The following NLK variants were observed in gnomAD, a reference collection of about 807,000 sequenced individuals.
NLK encodes the protein nemo like kinase, also known as serine/threonine-protein kinase NLK.
Under a neutral mutation model 59.0 loss-of-function variants are expected in NLK, and 11 were observed. The ratio of observed to expected loss-of-function variants is 0.19; its 90% CI spans 0.12 to 0.31. NLK has a LOEUF of 0.31. NLK is among the 10% of genes least tolerant of loss of function. The pLI is 1.00. For synonymous variants in NLK, 235 were observed against 235.9 expected (o/e 1.00, Z 0.03); for missense variants, 410 against 661.1 (o/e 0.62, Z 4.16).
intron 1 of NLK, chr17:28,048,035 A>G: frequency 1.5e-5 from 6 of 398,296 alleles, no homozygotes; most frequent in Non-Finnish European, 2.7e-5. Context: ...AGCCTGCACC[A>G]TAAAAAGGAA....
chr17:28,154,706 A>G lies in NLK; in HGVS notation c.645-6454A>G, dbSNP rs116656401. Among the ~76,000 whole-genome samples, 878 of 152,282 alleles carry G rather than the reference A, an allele frequency of 5.8e-3. 6 individuals carry two copies. The highest frequency in any genetic ancestry group is 0.02 in the African/African-American group (825 of 41,546). On this transcript the variant is annotated intron_variant, in intron 3 of 10. Coordinates refer to ENST00000407008, the MANE Select transcript of NLK (RefSeq NM_016231.5). ...TATCCTCACATACACATAAAATTCT[A>G]TATATAGGATGTTTATCTCAAGGTT...
intron 3 of NLK, among the ~76,000 whole-genome samples, chr17:28,138,936 A>G (rs1419234596): frequency 6.6e-6 from 1 of 152,186 alleles, no homozygotes; most frequent in East Asian, 1.9e-4. Context: ...AATAATGACA[A>G]TAGTATAGGT....
chr17:28,060,696 G>A (rs78453496), intron 1 of NLK, among the ~76,000 whole-genome samples: 2,583 of 152,264 alleles, frequency 0.017, 84 homozygotes, highest in African/African-American at 0.059. Flanking sequence ...TTTCACTTTC[G>A]TTAATAAACA....
At chr17:28,187,110 TC>T (rs1225868177) in intron 8 of NLK, among the ~76,000 whole-genome samples, 1 of 152,240 alleles carries the variant, frequency 6.6e-6, no homozygotes, top group Non-Finnish European at 1.5e-5. Flanking sequence ...AGAGGTAATT[TC>T]TGTCTGACCA....
At chr17:28,161,299 C>A in intron 4 of NLK, 33 bp downstream of exon 4, 1 of 1,144,354 alleles carries the variant, frequency 8.7e-7, no homozygotes, top group Non-Finnish European at 1.3e-6. Flanking sequence ...AAGGTGCTGT[C>A]ACACTGTAAA....
chr17:28,071,537 G>A (rs1910008120), intron 1 of NLK, among the ~76,000 whole-genome samples: 1 of 151,656 alleles, frequency 6.6e-6, no homozygotes, highest in Non-Finnish European at 1.5e-5. Flanking sequence ...CATTTTAGAG[G>A]CCTTGCACAT....
intron 6 of NLK, among the ~76,000 whole-genome samples, chr17:28,170,575 T>A (rs1049767618): frequency 6.6e-6 from 1 of 152,244 alleles, no homozygotes; most frequent in African/African-American, 2.4e-5. Flanking sequence ...TGTTGGGTAC[T>A]TTTGACAATA....
At chr17:28,053,037 A>G (rs1425557905) in intron 1 of NLK, among the ~76,000 whole-genome samples, 2 of 151,856 alleles carry the variant, frequency 1.3e-5, no homozygotes, top group African/African-American at 4.8e-5. Context: ...TGACCTCCCA[A>G]AGTGCTGGGA....
rs35679508 is a variant in NLK, at chr17:28,171,586, C to T, written c.1048-931C>T. 8.7e-3 allele frequency among the ~76,000 whole-genome samples: 1,320 copies of T among 152,274 alleles called. 18 individuals are homozygous for T. The highest frequency in any genetic ancestry group is 0.03 in the African/African-American group (1,243 of 41,552). On this transcript the variant is annotated intron_variant, in intron 6 of 10. Coordinates refer to ENST00000407008, the MANE Select transcript of NLK (RefSeq NM_016231.5). ...CCAGCGTAAGAGATTTCTAGCATGA[C>T]TAGAATGTAAAGGATGTGTACTGGC...
In NLK at chr17:28,070,354, ATTT is replaced by A. The variant is rs749066253; in HGVS notation, c.458+27040_458+27042del. On this transcript the variant is annotated intron_variant, in intron 1 of 10. Coordinates refer to ENST00000407008, the MANE Select transcript of NLK (RefSeq NM_016231.5). ...TAGGTAAGTTTTCCATCTGAAATTA[ATTT>A]TTTTTTTTTTTTTTTTGAGACGGAA... Among the ~76,000 whole-genome samples the A allele has an allele frequency of 3.3e-3, 445 of 134,810 alleles. 2 individuals are homozygous for A. Among genetic ancestry groups the A allele is most frequent in the African/African-American group, 0.011 (419 of 36,452 alleles). The allele number at this position is 134,810 out of a possible 152,430, so 88.4% of individuals were successfully genotyped here. A position where few individuals can be genotyped will look rare whatever the true frequency, so the allele number is the denominator to read the frequency against.
At chr17:28,087,141 A>C (rs1308974173) in intron 1 of NLK, among the ~76,000 whole-genome samples, 1 of 152,168 alleles carries the variant, frequency 6.6e-6, no homozygotes, top group Non-Finnish European at 1.5e-5. Flanking sequence ...TAGATGGACA[A>C]AATAAATGAG....
chr17:28,092,782 ATTTTATTTTATTTTATTTTATTTTATT>A (rs1296691101), intron 1 of NLK, among the ~76,000 whole-genome samples: 1 of 148,888 alleles, frequency 6.7e-6, no homozygotes, highest in African/African-American at 2.5e-5. Context: ...ATTTTATTTT[ATTTTATTTTATTTTATTTTATTTTATT>A]TATTTATTGA....
chr17:28,155,651 A>AC (rs1363624452), intron 3 of NLK, among the ~76,000 whole-genome samples: 2 of 152,172 alleles, frequency 1.3e-5, no homozygotes, highest in Non-Finnish European at 2.9e-5. Context: ...GAAGCTGGAA[A>AC]CCATCATTCT....
chr17:28,184,522 T>G (rs1909040011), intron 7 of NLK, among the ~76,000 whole-genome samples: 1 of 152,214 alleles, frequency 6.6e-6, no homozygotes, highest in Non-Finnish European at 1.5e-5. Context: ...GTACGCACGA[T>G]AAATAAATGT....
intron 6 of NLK, among the ~76,000 whole-genome samples, chr17:28,170,022 G>A (rs1262279393): frequency 6.6e-6 from 1 of 152,188 alleles, no homozygotes; most frequent in Non-Finnish European, 1.5e-5. Context: ...GCAGAGCAGA[G>A]CAGGCACTAA....
At chr17:28,114,140 C>CT (rs1905649391) in intron 1 of NLK, among the ~76,000 whole-genome samples, 1 of 151,974 alleles carries the variant, frequency 6.6e-6, no homozygotes, top group African/African-American at 2.4e-5. Flanking sequence ...ATATATTGAA[C>CT]ATTCTGTTTG....
intron 7 of NLK, among the ~76,000 whole-genome samples, chr17:28,182,424 T>C (rs1170615830): frequency 2.0e-5 from 3 of 152,188 alleles, no homozygotes; most frequent in Non-Finnish European, 4.4e-5. Flanking sequence ...TTCTCCTGTT[T>C]CTGGTGTTGT....
intron 1 of NLK, among the ~76,000 whole-genome samples, chr17:28,103,976 TTGTCTAGTGATAAA>T (rs1207816619): frequency 2.0e-5 from 3 of 152,250 alleles, no homozygotes; most frequent in Non-Finnish European, 4.4e-5. Flanking sequence ...CCATTGACCT[TTGTCTAGTGATAAA>T]TGTGTTTATT....
At chr17:28,050,324 T>C (rs1044310848) in intron 1 of NLK, among the ~76,000 whole-genome samples, 1 of 152,134 alleles carries the variant, frequency 6.6e-6, no homozygotes, top group Admixed American at 6.6e-5. Flanking sequence ...AGATGCTGAA[T>C]GTGCAGTGCA....
Sources: gnomAD v4.1 joint callset for allele counts (sites outside exome capture counted in the v4.1 genomes callset) on GRCh38, gnomAD v4.1.1 for gene constraint, MANE v1.5 for transcripts, NCBI Gene and HGNC (gene_info 2026-07-23, HGNC 2026-07-21) for gene names.